Variants in FIBP observed in about 807,000 individuals in gnomAD.
The protein encoded by FIBP is FGF1 intracellular binding protein.
FIBP carries 29 observed loss-of-function variants against 40.5 expected under a neutral mutation model. The observed-to-expected ratio is 0.72, with a 90% CI of 0.53 to 0.98. FIBP has a LOEUF of 0.98. Among genes scored for constraint, FIBP ranks in the 50% least tolerant of loss-of-function variants. The pLI is 0.00. For missense variants in FIBP, 411 were observed against 470.2 expected, an observed-to-expected ratio of 0.87 and a Z score of 1.16; for synonymous variants, 215 against 191.1, an observed-to-expected ratio of 1.13 and a Z score of -1.03.
At chr11:65,887,550 G>A (rs758637846) in intron 3 of FIBP, 50 bp downstream of exon 3, 1 of 1,606,048 alleles carries the variant, frequency 6.2e-7, no homozygotes, top group Admixed American at 1.7e-5. Flanking sequence ...GCCAAAGGGA[G>A]GGAGTGAAGT....
intron 4 of FIBP, 111 bp from the exon 5 acceptor site, chr11:65,885,774 G>A: frequency 4.7e-6 from 5 of 1,060,024 alleles, no homozygotes; most frequent in Non-Finnish European, 6.9e-6. Flanking sequence ...TCTGCCTCAA[G>A]TCACTGTGTG....
Position 65,884,541 on chromosome 11 carries a change from G to A in FIBP, c.906+29C>T, listed in dbSNP as rs753586307. 4 of 1,613,864 alleles carry A rather than the reference G, an allele frequency of 2.5e-6. No homozygotes were observed. The African/African-American group carries it at 5.3e-5, about 22-fold the overall frequency. ...CTTGTATAGGCCAGGGACAGACCAG[G>A]TTGGGTGTCAGAGAGCACGACAGCT... On this transcript the variant is annotated intron_variant, in intron 8 of 9. Transcript: ENST00000357519.
rs1415558801 is a variant in FIBP at position 65,884,642 on chromosome 11, C to T, written c.834G>A (p.Gly278=). The T allele has an allele frequency of 1.9e-6, 3 of 1,613,974 alleles. No homozygotes were observed. The highest frequency in any genetic ancestry group is 2.5e-6 in the Non-Finnish European group (3 of 1,179,944). ...MEANFKNLSR[G]LVNVAAKLTH... is the part of the protein sequence containing the mutation. ...TCAGCTTGGCGGCCACGTTCACCAG[C>T]CCCCGGGACAGGTTCTGTGGGGCAG... The change falls in exon 8 of 10, where the codon GGG becomes GGA. Residue 278 remains glycine, a synonymous_variant. Coordinates refer to ENST00000357519, the MANE Select transcript of FIBP (RefSeq NM_004214.5).
intron 3 of FIBP, 84 bp downstream of exon 3, chr11:65,887,516 T>G (rs139709861): frequency 3.0e-6 from 4 of 1,339,154 alleles, no homozygotes; most frequent in African/African-American, 2.9e-5. Flanking sequence ...GCTGCCACAA[T>G]CAGAGGCTGG....
In FIBP at chr11:65,885,517, G is replaced by A; in HGVS notation, c.646+13C>T. 6.2e-7 allele frequency: 1 copy of A among 1,612,112 alleles called. No individual in the cohort carries two copies. On this transcript the variant is annotated intron_variant, in intron 5 of 9. Coordinates refer to ENST00000357519, the MANE Select transcript of FIBP (RefSeq NM_004214.5). ...GGGAGGCGTCCAGGCACCTGGGTCAGTGGGGGCCTCACCGACGGCTCCAAG... is the reference window on the plus strand; with the variant it reads ...GGGAGGCGTCCAGGCACCTGGGTCAATGGGGGCCTCACCGACGGCTCCAAG...
At chr11:65,886,973 A>T in intron 3 of FIBP, 1 of 169,560 alleles carries the variant, frequency 5.9e-6, no homozygotes, top group Admixed American at 5.6e-5. Flanking sequence ...GGGCTGGAGA[A>T]ATGTAAGCCT....
rs2231892 is a variant in FIBP, at chr11:65,884,053, C to T, written c.1005-10G>A. Reference sequence around the variant, plus strand: ...CCAGAGGGCCTGGTGTCTGTAAGAACATGAACAGTGACAGCTGAGTTTTCA... The same window carrying T: ...CCAGAGGGCCTGGTGTCTGTAAGAATATGAACAGTGACAGCTGAGTTTTCA... On this transcript the variant is annotated splice_polypyrimidine_tract_variant and intron_variant, in intron 9 of 9. Transcript: ENST00000357519. 876 of 1,611,750 alleles carry T rather than the reference C, an allele frequency of 5.4e-4. 3 individuals are homozygous for T. The African/African-American group carries it at 8.5e-3, about 16-fold the overall frequency.
At chr11:65,886,233 G>A (rs1174858605) in intron 4 of FIBP, 89 bp downstream of exon 4, 24 of 800,946 alleles carry the variant, frequency 3.0e-5, no homozygotes, top group Non-Finnish European at 4.9e-5. Context: ...AGCATACTCA[G>A]GAGGTCAGAA....
At chr11:65,887,832 G>T in intron 2 of FIBP, 102 bp downstream of exon 2, 2 of 1,591,596 alleles carry the variant, frequency 1.3e-6, no homozygotes, top group Non-Finnish European at 1.7e-6. Context: ...TCAACTTTCT[G>T]ATGGCTGGGT....
chr11:65,886,290 T>C (rs376351590), intron 4 of FIBP, 32 bp downstream of exon 4: 43 of 1,465,044 alleles, frequency 2.9e-5, no homozygotes, highest in Non-Finnish European at 4.0e-5. Flanking sequence ...CAGGAAGTAG[T>C]GTGCGGGATG....
At chr11:65,886,516 C>T in intron 3 of FIBP, 94 bp from the exon 4 acceptor site, 2 of 806,314 alleles carry the variant, frequency 2.5e-6, no homozygotes, top group Non-Finnish European at 4.4e-6. Flanking sequence ...CTCCCTTCCC[C>T]ATCCACCTAT....
In FIBP at chr11:65,888,068, C is replaced by G. The variant is rs34255955; in HGVS notation, c.150G>C (p.Ala50=). Residue 50 remains alanine (A), a synonymous_variant, in exon 2 of 10, where the codon GCG becomes GCC. Transcript: ENST00000357519. ...GGTCCATGGTGTCGCTCTGCAGCAC[C>G]GCTGCCGTGGCGCCAGTCTGCTCCA... ...GILEQTGATA[A]VLQSDTMDHY... 1.9e-3 allele frequency: 3,085 copies of G among 1,607,958 alleles called. 49 individuals are homozygous for G. In the African/African-American group the frequency reaches 0.035, roughly 18 times the overall value.
chr11:65,885,909 C>T (rs1259561642), intron 4 of FIBP: 2 of 502,544 alleles, frequency 4.0e-6, no homozygotes, highest in African/African-American at 3.8e-5. Context: ...CTGAGCACTT[C>T]CTAAGTGCCA....
intron 4 of FIBP, 150 bp downstream of exon 4, chr11:65,886,172 A>T: frequency 3.2e-6 from 1 of 312,380 alleles, no homozygotes; most frequent in South Asian, 5.3e-5. Flanking sequence ...GTCTCATTAA[A>T]AAAAAAAAAA....
At position 65,887,743 on chromosome 11, in the gene FIBP, A is replaced by C. The variant is rs1591079392; in HGVS notation, c.285-17T>G. ...GCATAGTACCTTGTGGAGTCAGAGAACACCATTGACCCTCCATAAAAGACA... is the reference window on the plus strand; with the variant it reads ...GCATAGTACCTTGTGGAGTCAGAGACCACCATTGACCCTCCATAAAAGACA... On this transcript the variant is annotated splice_polypyrimidine_tract_variant and intron_variant, in intron 2 of 9. Transcript: ENST00000357519. The C allele has an allele frequency of 6.2e-7, 1 of 1,613,452 alleles. No individual in the cohort carries two copies. The highest frequency in any genetic ancestry group is 8.5e-7 in the Non-Finnish European group (1 of 1,179,894).
intron 9 of FIBP, 165 bp from the exon 10 acceptor site, chr11:65,884,208 G>A (rs1278775170): frequency 2.7e-6 from 2 of 754,502 alleles, no homozygotes; most frequent in East Asian, 2.7e-5. Context: ...GAGGCATGGA[G>A]AGGTTAAGAA....
chr11:65,888,029 G>A lies in FIBP; in HGVS notation c.189C>T (p.Phe63=), dbSNP rs747630653. The stretch of plus-strand genomic sequence containing the variant: ...CATGCAGCAGCCGCTCGAGCATGTG[G>A]AAGGTGCGGTAATGGTCCATGGTGT... ...QSDTMDHYRT[F]HMLERLLHAP... Residue 63 remains phenylalanine (F), a synonymous_variant, in exon 2 of 10, where the codon TTC becomes TTT. Coordinates refer to ENST00000357519, the MANE Select transcript of FIBP (RefSeq NM_004214.5). The A allele has an allele frequency of 4.3e-6, 7 of 1,612,668 alleles. No individual in the cohort carries two copies. Among genetic ancestry groups the A allele is most frequent in the Non-Finnish European group, 5.9e-6 (7 of 1,179,674 alleles).
intron 3 of FIBP, 194 bp from the exon 4 acceptor site, chr11:65,886,616 T>C: frequency 1.8e-6 from 1 of 541,056 alleles, no homozygotes; most frequent in Non-Finnish European, 3.3e-6. Flanking sequence ...GCTTAGCAAC[T>C]CCTGCTGTAT....
chr11:65,887,930 G>C lies in FIBP; in HGVS notation c.284+4C>G. On this transcript the variant is annotated splice_donor_region_variant and intron_variant, in intron 2 of 9. Transcript: ENST00000357519. ...ATGTCTCCACCATCCCAGAGGGTGA[G>C]CACCTCTCGATGAGTAGTGCCTGCC... 1 of 1,612,704 alleles carries C rather than the reference G, an allele frequency of 6.2e-7. No individual in the cohort carries two copies. The highest frequency in any genetic ancestry group is 8.5e-7 in the Non-Finnish European group (1 of 1,179,310).
Sources: allele counts gnomAD v4.1 joint callset, GRCh38; gene constraint gnomAD v4.1.1; transcripts MANE v1.5; gene names NCBI Gene and HGNC (gene_info 2026-07-23, HGNC 2026-07-21).